Variants in TBX20 observed in about 807,000 individuals in gnomAD.
TBX20 encodes the protein T-box transcription factor TBX20.
A neutral mutation model predicts 42.9 loss-of-function variants in TBX20; 8 were observed. The ratio of observed to expected loss-of-function variants is 0.19; its 90% CI spans 0.11 to 0.34. TBX20 has a LOEUF of 0.34. Among genes scored for constraint, TBX20 ranks in the 10% least tolerant of loss-of-function variants. The probability of loss-of-function intolerance (pLI) is 1.00; values close to 1 mark genes in which losing one functional copy is unlikely to be tolerated. For missense variants in TBX20, 411 were observed against 566.0 expected, an observed-to-expected ratio of 0.73 and a Z score of 2.78; for synonymous variants, 198 against 222.8, an observed-to-expected ratio of 0.89 and a Z score of 0.99.
At chr7:35,223,818 T>A (rs559621236) in intron 6 of TBX20, among the ~76,000 whole-genome samples, 1 of 152,218 alleles carries the variant, frequency 6.6e-6, no homozygotes, top group African/African-American at 2.4e-5. Flanking sequence ...TGAGGAACTT[T>A]AAGAAGGAGC....
chr7:35,236,437 T>A (rs1347018594), intron 5 of TBX20, among the ~76,000 whole-genome samples: 2 of 152,202 alleles, frequency 1.3e-5, no homozygotes, highest in African/African-American at 4.8e-5. Context: ...TTGTATGCTA[T>A]AGGAAACTTA....
intron 6 of TBX20, among the ~76,000 whole-genome samples, chr7:35,215,285 A>C (rs1178860438): frequency 2.0e-5 from 3 of 152,194 alleles, no homozygotes; most frequent in Non-Finnish European, 4.4e-5. Context: ...GGCATAATTG[A>C]ATTATTGCCT....
chr7:35,222,745 G>A (rs1040406893), intron 6 of TBX20, among the ~76,000 whole-genome samples: 1 of 152,084 alleles, frequency 6.6e-6, no homozygotes, highest in African/African-American at 2.4e-5. Flanking sequence ...GGTCTGTGTG[G>A]TGAAGCCAGC....
intron 4 of TBX20, among the ~76,000 whole-genome samples, chr7:35,242,850 C>G (rs899341174): frequency 3.9e-5 from 6 of 152,204 alleles, no homozygotes; most frequent in Admixed American, 3.9e-4. Flanking sequence ...GAAACTAAAA[C>G]TGCATCTATA....
intron 5 of TBX20, among the ~76,000 whole-genome samples, chr7:35,236,255 A>G (rs1789962744): frequency 1.3e-5 from 2 of 151,298 alleles, no homozygotes; most frequent in African/African-American, 4.8e-5. Context: ...TCCAAAGCTT[A>G]AGATATATGA....
chr7:35,218,164 T>C (rs1170874347), intron 6 of TBX20, among the ~76,000 whole-genome samples: 4 of 152,210 alleles, frequency 2.6e-5, no homozygotes. Context: ...TTTATCTATA[T>C]CTGGGCTTTG....
chr7:35,208,703 T>C (rs370180302), intron 6 of TBX20, among the ~76,000 whole-genome samples: 3 of 115,428 alleles, frequency 2.6e-5, no homozygotes, highest in African/African-American at 1.0e-4. Context: ...GATTGAGCCA[T>C]TGCACTCCAG....
In TBX20 at chr7:35,253,351, C is replaced by T. The variant is rs368932592; in HGVS notation, c.127+143G>A. On this transcript the variant is annotated intron_variant, in intron 1 of 7. Coordinates refer to ENST00000408931, the MANE Select transcript of TBX20 (RefSeq NM_001077653.2). ...CTGAAGCCTCCAAAGAAAACTTGGA[C>T]CCAAAAGAAAAAGATCTCCCACCCG... The T allele has an allele frequency of 4.7e-4, 459 of 970,660 alleles. 3 individuals are homozygous for T. The South Asian group carries it at 5.6e-3, about 12-fold the overall frequency. The allele number at this position is 970,660 out of a possible 1,614,324, so 60.1% of individuals were successfully genotyped here.
rs368543970 is a variant in TBX20, at chr7:35,253,650, C to G, written c.-30G>C. ...CCCAGCACGCGGTCCTGGCCAGGGACGGGGTCGTCCGAACTGCCGTCCAGA... is the reference window on the plus strand; with the variant it reads ...CCCAGCACGCGGTCCTGGCCAGGGAGGGGGTCGTCCGAACTGCCGTCCAGA... On this transcript the variant is annotated 5_prime_UTR_variant, in exon 1 of 8. Coordinates refer to ENST00000408931, the MANE Select transcript of TBX20 (RefSeq NM_001077653.2). 1.9e-6 allele frequency: 3 copies of G among 1,603,426 alleles called. No homozygotes were observed. The highest frequency in any genetic ancestry group is 2.6e-6 in the Non-Finnish European group (3 of 1,175,776).
intron 6 of TBX20, among the ~76,000 whole-genome samples, chr7:35,205,114 T>A (rs1270837410): frequency 6.6e-6 from 1 of 152,174 alleles, no homozygotes; most frequent in African/African-American, 2.4e-5. Context: ...TAGATTATAG[T>A]ACAATATAGA....
At chr7:35,213,106 T>C (rs938506376) in intron 6 of TBX20, among the ~76,000 whole-genome samples, 4 of 152,224 alleles carry the variant, frequency 2.6e-5, no homozygotes, top group Non-Finnish European at 4.4e-5. Flanking sequence ...AGGGCTCACC[T>C]CATTTGTTTC....
intron 5 of TBX20, among the ~76,000 whole-genome samples, chr7:35,239,644 T>C (rs1331057960): frequency 2.0e-5 from 3 of 152,244 alleles, no homozygotes; most frequent in Non-Finnish European, 4.4e-5. Flanking sequence ...AGAAAATGTA[T>C]GGGAAGTGTC....
At chr7:35,204,436 C>T in intron 7 of TBX20, 34 bp downstream of exon 7, 2 of 1,475,154 alleles carry the variant, frequency 1.4e-6, no homozygotes, top group Non-Finnish European at 1.9e-6. Context: ...TGCTCTGCCT[C>T]CCAGCAATTC....
chr7:35,248,647 T>C, intron 3 of TBX20, 30 bp downstream of exon 3: 1 of 1,613,184 alleles, frequency 6.2e-7, no homozygotes, highest in Non-Finnish European at 8.5e-7. Flanking sequence ...CACTAACAGT[T>C]TTCTCAGTGA....
Position 35,207,204 on chromosome 7 carries a change from T to C in TBX20, c.891-2622A>G, listed in dbSNP as rs544448601. On this transcript the variant is annotated intron_variant, in intron 6 of 7. Transcript: ENST00000408931. The stretch of plus-strand genomic sequence containing the variant: ...TATGGTCAATGTTTAATTTTAGCTA[T>C]TGTAATATGCATGTGCTGGTATTCC... Among the ~76,000 whole-genome samples the C allele has an allele frequency of 1.3e-4, 20 of 152,332 alleles. No homozygotes were observed. In the South Asian group the frequency reaches 2.7e-3, roughly 21 times the overall value.
At chr7:35,218,795 T>C (rs1483597548) in intron 6 of TBX20, among the ~76,000 whole-genome samples, 1 of 152,138 alleles carries the variant, frequency 6.6e-6, no homozygotes, top group Non-Finnish European at 1.5e-5. Flanking sequence ...TAATCACCAA[T>C]GTGACAATAT....
At position 35,215,065 on chromosome 7, in the gene TBX20, A is replaced by G. The variant is rs1056596222; in HGVS notation, c.891-10483T>C. Among the ~76,000 whole-genome samples, 53 of 152,194 alleles carry G rather than the reference A, an allele frequency of 3.5e-4. 2 individuals are homozygous for G. Among genetic ancestry groups the G allele is most frequent in the Non-Finnish European group, 2.9e-4 (20 of 68,022 alleles). On this transcript the variant is annotated intron_variant, in intron 6 of 7. Transcript: ENST00000408931. ...AGATCATTTAAATATCTTTCACATA[A>G]CACACACAAGACAAATAATTTCCCA...
chr7:35,227,860 G>T (rs1394346436), intron 6 of TBX20, among the ~76,000 whole-genome samples: 1 of 152,082 alleles, frequency 6.6e-6, no homozygotes, highest in Non-Finnish European at 1.5e-5. Context: ...TTGGGATGAT[G>T]AAAACATTCT....
chr7:35,249,878 G>C lies in TBX20; in HGVS notation c.380+73C>G. 2 of 1,512,422 alleles carry C rather than the reference G, an allele frequency of 1.3e-6. No homozygotes were observed. Among genetic ancestry groups the C allele is most frequent in the Non-Finnish European group, 1.8e-6 (2 of 1,120,564 alleles). The allele number at this position is 1,512,422 out of a possible 1,614,324, so 93.7% of individuals were successfully genotyped here. A position where few individuals can be genotyped will look rare whatever the true frequency, so the allele number is the denominator to read the frequency against. ...ACCAGCCAGCTCTCATCTAGTTCCT[G>C]GAAGCACCCTCAACTACCCAGGGAG... is the stretch of plus-strand genomic sequence containing the variant. On this transcript the variant is annotated intron_variant, in intron 2 of 7. Transcript: ENST00000408931. The surrounding 1 kb of genome is among the most constrained non-coding windows in gnomAD (Gnocchi z 4.3).
Sources: allele counts gnomAD v4.1 joint callset (sites outside exome capture counted in the v4.1 genomes callset), GRCh38; gene constraint gnomAD v4.1.1; non-coding constraint Gnocchi (gnomAD v3.1); transcripts MANE v1.5; gene names NCBI Gene and HGNC (gene_info 2026-07-23, HGNC 2026-07-21).